Variants in ZNF609 observed in about 807,000 individuals in gnomAD.
ZNF609 encodes the protein zinc finger protein 609.
ZNF609 carries 11 observed loss-of-function variants against 109.5 expected under a neutral mutation model. The ratio of observed to expected loss-of-function variants is 0.10; its 90% CI spans 0.06 to 0.17. The LOEUF (loss-of-function observed/expected upper bound fraction) is 0.17. Ranked by LOEUF, ZNF609 falls within the 10% of genes least tolerant of loss-of-function variation. ZNF609 has a pLI of 1.00. For synonymous variants in ZNF609, 646 were observed against 662.0 expected, an observed-to-expected ratio of 0.98 and a Z score of 0.37; for missense variants, 1,559 against 1,772.4, an observed-to-expected ratio of 0.88 and a Z score of 2.16.
Position 64,684,151 on chromosome 15 carries a change from A to C in ZNF609, c.*2465A>C, listed in dbSNP as rs1349481564. ...GAAGCAGCAGCTGTGGAGATTCTTG[A>C]CAAGTGCTGAGTGAAAGATTTGCTG... On this transcript the variant is annotated 3_prime_UTR_variant, in exon 10 of 10. Coordinates refer to ENST00000326648, the MANE Select transcript of ZNF609 (RefSeq NM_015042.2). 1 of 152,190 alleles carries C rather than the reference A, an allele frequency of 6.6e-6. No individual in the cohort carries two copies. The highest frequency in any genetic ancestry group is 2.4e-5 in the African/African-American group (1 of 41,430). 9.4% of individuals were successfully genotyped at this position (152,190 alleles called of 1,614,324 possible). A position where few individuals can be genotyped will look rare whatever the true frequency, so the allele number is the denominator to read the frequency against.
intron 3 of ZNF609, among the ~76,000 whole-genome samples, chr15:64,625,010 A>G (rs756795638): frequency 6.6e-6 from 1 of 152,016 alleles, no homozygotes; most frequent in Non-Finnish European, 1.5e-5. Context: ...CACCTGCCTC[A>G]ACCTCCCAAA....
chr15:64,493,337 T>C (rs1893440151), intron 1 of ZNF609, among the ~76,000 whole-genome samples: 1 of 152,220 alleles, frequency 6.6e-6, no homozygotes, highest in Admixed American at 6.5e-5. Context: ...TGTTCATTCC[T>C]GAGGTAGAAG....
intron 2 of ZNF609, among the ~76,000 whole-genome samples, chr15:64,552,217 C>T (rs1894494142): frequency 1.3e-5 from 2 of 152,064 alleles, no homozygotes; most frequent in Admixed American, 6.6e-5. Context: ...TCATGCTTTC[C>T]ATATCTAAAA....
At chr15:64,522,980 A>C (rs1310803548) in intron 2 of ZNF609, among the ~76,000 whole-genome samples, 1 of 152,154 alleles carries the variant, frequency 6.6e-6, no homozygotes, top group African/African-American at 2.4e-5. Context: ...TTAAAAAAAA[A>C]AAAAAAGGAA....
chr15:64,632,661 T>C (rs940707370), intron 3 of ZNF609, among the ~76,000 whole-genome samples: 1 of 151,718 alleles, frequency 6.6e-6, no homozygotes, highest in African/African-American at 2.4e-5. Flanking sequence ...AGTAGAGATG[T>C]GGTTTCGCTA....
chr15:64,468,381 A>G (rs550962474), intron 1 of ZNF609, among the ~76,000 whole-genome samples: 36 of 151,138 alleles, frequency 2.4e-4, no homozygotes, highest in Non-Finnish European at 5.9e-5. Flanking sequence ...CAATGGTGCA[A>G]TCACAGCTCA....
chr15:64,633,888 A>C (rs530689397), intron 3 of ZNF609, among the ~76,000 whole-genome samples: 5 of 152,094 alleles, frequency 3.3e-5, no homozygotes, highest in South Asian at 2.1e-4. Flanking sequence ...CTCAGGAAAA[A>C]AAAAATTATT....
chr15:64,597,492 C>T (rs1895416901), intron 2 of ZNF609, among the ~76,000 whole-genome samples: 1 of 152,170 alleles, frequency 6.6e-6, no homozygotes, highest in African/African-American at 2.4e-5. Flanking sequence ...CCCTTTCTGA[C>T]AGTTCCCAAT....
At chr15:64,631,370 A>G (rs1022909399) in intron 3 of ZNF609, 10 of 724,122 alleles carry the variant, frequency 1.4e-5, no homozygotes, top group Admixed American at 3.5e-5. Flanking sequence ...GTTTACAACA[A>G]TGCCAACAGC....
intron 2 of ZNF609, among the ~76,000 whole-genome samples, chr15:64,600,038 C>T (rs1665897): frequency 0.74 from 112,869 of 152,112 alleles, 45,445 homozygotes; most frequent in East Asian, 0.96. Flanking sequence ...AATGAAACTT[C>T]GTGGCCAGGC....
intron 3 of ZNF609, among the ~76,000 whole-genome samples, chr15:64,630,091 CTTTTTTCTTTTTTTTTT>C (rs1896042517): frequency 2.1e-5 from 3 of 143,062 alleles, no homozygotes; most frequent in Admixed American, 6.9e-5. Context: ...TCCTAATTTT[CTTTTTTCTTTTTTTTTT>C]TTTTTTTGAG....
intron 1 of ZNF609, among the ~76,000 whole-genome samples, chr15:64,476,508 A>G (rs191599185): frequency 3.9e-5 from 6 of 152,142 alleles, no homozygotes; most frequent in Non-Finnish European, 8.8e-5. Flanking sequence ...ATGTTGTGTT[A>G]CTGGGTTGTT....
chr15:64,498,038 T>G (rs1404828107), intron 1 of ZNF609, among the ~76,000 whole-genome samples: 1 of 152,100 alleles, frequency 6.6e-6, no homozygotes, highest in Non-Finnish European at 1.5e-5. Context: ...GATGGCACAC[T>G]CCTCAAGTCT....
At chr15:64,633,042 A>G (rs973402112) in intron 3 of ZNF609, among the ~76,000 whole-genome samples, 9 of 151,354 alleles carry the variant, frequency 5.9e-5, no homozygotes, top group African/African-American at 2.2e-4. Flanking sequence ...CCTCAGCCTC[A>G]CAAAGTTCTG....
At chr15:64,590,891 G>C (rs1041829614) in intron 2 of ZNF609, among the ~76,000 whole-genome samples, 1 of 151,980 alleles carries the variant, frequency 6.6e-6, no homozygotes, top group African/African-American at 2.4e-5. Context: ...AGACAAATAG[G>C]TTCAAAAGTA....
At chr15:64,663,229 A>G (rs73454973) in intron 3 of ZNF609, among the ~76,000 whole-genome samples, 7,538 of 152,238 alleles carry the variant, frequency 0.05, 603 homozygotes, top group African/African-American at 0.17. Flanking sequence ...GTAATGAGAA[A>G]TGATCAAAAT....
chr15:64,678,510 C>T, intron 6 of ZNF609, 28 bp downstream of exon 6: 2 of 1,530,592 alleles, frequency 1.3e-6, no homozygotes, highest in Non-Finnish European at 1.8e-6. Flanking sequence ...AGCACTATTC[C>T]ATTCACTGGA....
chr15:64,564,921 C>T (rs543639766), intron 2 of ZNF609, among the ~76,000 whole-genome samples: 1 of 150,456 alleles, frequency 6.6e-6, no homozygotes, highest in Non-Finnish European at 1.5e-5. Context: ...GATCTCCGCT[C>T]ACTGCAAGCT....
At chr15:64,489,849 C>G (rs1206018975) in intron 1 of ZNF609, among the ~76,000 whole-genome samples, 1 of 152,078 alleles carries the variant, frequency 6.6e-6, no homozygotes, top group Non-Finnish European at 1.5e-5. Context: ...AACAATTTGA[C>G]ATTACCACCT....
Sources: allele counts gnomAD v4.1 joint callset (sites outside exome capture counted in the v4.1 genomes callset), GRCh38; gene constraint gnomAD v4.1.1; transcripts MANE v1.5; gene names NCBI Gene and HGNC (gene_info 2026-07-23, HGNC 2026-07-21).